The following GALK1 variants were observed in gnomAD, a reference collection of about 807,000 sequenced individuals.
The protein encoded by GALK1 is galactokinase 1.
Under a neutral mutation model 38.6 loss-of-function variants are expected in GALK1, and 30 were observed. That is an observed-to-expected ratio of 0.78 (90% confidence interval 0.58 to 1.05). The LOEUF is 1.05. Among genes scored for constraint, GALK1 ranks in the 50% least tolerant of loss-of-function variants. The pLI is 0.00. For missense variants in GALK1, 512 were observed against 540.5 expected (o/e 0.95, Z 0.52); for synonymous variants, 240 against 233.6 (o/e 1.03, Z -0.25).
rs554076462 is a variant in GALK1 at position 75,758,204 on chromosome 17, G to A, written c.1107+6C>T. On this transcript the variant is annotated splice_donor_region_variant and intron_variant, in intron 7 of 7. Transcript: ENST00000588479. ...CCTGCCCGCCCAGGCCCTGGTGCCC[G>A]CCCACCTGGATGTGCCGCATGGCGT... is the stretch of plus-strand genomic sequence containing the variant. The A allele has an allele frequency of 1.2e-5, 20 of 1,606,986 alleles. No individual in the cohort carries two copies. The highest frequency in any genetic ancestry group is 6.7e-5 in the East Asian group (3 of 44,680).
downstream of GALK1, chr17:75,757,427 C>T: frequency 1.2e-6 from 2 of 1,613,208 alleles, no homozygotes; most frequent in Non-Finnish European, 1.7e-6. Context: ...TGGGCTGACC[C>T]TGGGGGCCCA....
At chr17:75,756,823 G>T, downstream of GALK1, 1 of 1,612,378 alleles carries the variant, frequency 6.2e-7, no homozygotes. Flanking sequence ...GGATATCGTC[G>T]GCTACCTGGT....
Position 75,758,596 on chromosome 17 carries a change from G to T in GALK1, c.797C>A (p.Ala266Asp). ...GCCCTCTTTGCTCACCAGGTCCCTG[G>T]CAGCTGGGGAGGAAAGAGGAGTCAG... is the stretch of plus-strand genomic sequence containing the variant. ...REVQLEELEA[A>D]RDLVSKEGFR... Residue 266 changes from alanine to aspartate, a missense_variant, in exon 6 of 8, where the codon GCC becomes GAC. Ala to Asp is a moderately radical substitution (Grantham distance 126, BLOSUM62 -2). Transcript: ENST00000588479. 6.3e-7 allele frequency: 1 copy of T among 1,591,602 alleles called. No homozygotes were observed. The highest frequency in any genetic ancestry group is 8.5e-7 in the Non-Finnish European group (1 of 1,176,198).
At chr17:75,755,256 C>T (rs2061469953), downstream of GALK1, 5 of 1,577,030 alleles carry the variant, frequency 3.2e-6, no homozygotes, top group Non-Finnish European at 4.3e-6. Context: ...CTGTCCTGCT[C>T]CATCTGTCAT....
At chr17:75,753,791 C>G (rs780995540), downstream of GALK1, 12 of 1,457,846 alleles carry the variant, frequency 8.2e-6, no homozygotes, top group African/African-American at 1.4e-5. Flanking sequence ...CGAGCCCCTG[C>G]TGGGGGAGGA....
At chr17:75,754,922 A>G, downstream of GALK1, 1 of 1,555,630 alleles carries the variant, frequency 6.4e-7, no homozygotes, top group Non-Finnish European at 8.8e-7. Context: ...TCTCCAACAT[A>G]CACACACGCA....
At chr17:75,753,316 C>T (rs187349075), downstream of GALK1, among the ~76,000 whole-genome samples, 295 of 152,290 alleles carry the variant, frequency 1.9e-3, 1 homozygote, top group Non-Finnish European at 3.2e-3. Context: ...GACTCTGGAA[C>T]CCCAGCTCAG....
downstream of GALK1, chr17:75,755,962 C>A: frequency 7.7e-7 from 1 of 1,306,974 alleles, no homozygotes; most frequent in Non-Finnish European, 1.1e-6. Flanking sequence ...CCCTTGAGCG[C>A]TAAAGCCCCC....
At chr17:75,753,645 C>T (rs572047233), downstream of GALK1, 59 of 624,690 alleles carry the variant, frequency 9.4e-5, 1 homozygote, top group South Asian at 3.9e-3. Flanking sequence ...CAACACACAC[C>T]CCGGGATCCC....
downstream of GALK1, chr17:75,753,981 GGCTCACCCGCCGCCCCCCGATCCGC>G (rs2061429090): frequency 8.3e-7 from 1 of 1,210,442 alleles, no homozygotes. Flanking sequence ...GGAGGTGACA[GGCTCACCCGCCGCCCCCCGATCCGC>G]GCCCACCCAG....
downstream of GALK1, chr17:75,756,471 C>T (rs375075647): frequency 1.7e-5 from 27 of 1,613,206 alleles, no homozygotes; most frequent in African/African-American, 2.0e-4. Context: ...GCCCAGACCT[C>T]GGTGGTGGTG....
chr17:75,761,171 C>T (rs1415216100), intron 5 of GALK1, among the ~76,000 whole-genome samples: 1 of 151,874 alleles, frequency 6.6e-6, no homozygotes, highest in Non-Finnish European at 1.5e-5. Flanking sequence ...CACTGCACTG[C>T]AGCCTGGGTG....
chr17:75,753,746 G>A, downstream of GALK1: 1 of 1,405,686 alleles, frequency 7.1e-7, no homozygotes, highest in South Asian at 1.7e-5. Context: ...TGCCAACGCG[G>A]CCCTTCGTTG....
chr17:75,756,942 G>T, downstream of GALK1: 2 of 1,612,542 alleles, frequency 1.2e-6, 1 homozygote, highest in Middle Eastern at 3.3e-4. Context: ...TCCCTGCTCA[G>T]GGCCAGCCAC....
At chr17:75,755,785 G>T, downstream of GALK1, 1 of 1,612,106 alleles carries the variant, frequency 6.2e-7, no homozygotes, top group Non-Finnish European at 8.5e-7. Flanking sequence ...AGAGTGAGCT[G>T]GCAGGAGCCG....
At chr17:75,761,987 T>C (rs1255190426) in intron 5 of GALK1, among the ~76,000 whole-genome samples, 5 of 151,708 alleles carry the variant, frequency 3.3e-5, no homozygotes, top group African/African-American at 4.8e-5. Flanking sequence ...ACCATTGCAC[T>C]CCAGCATGGG....
At chr17:75,764,738 G>T (rs1335539724) in intron 1 of GALK1, 3 of 625,940 alleles carry the variant, frequency 4.8e-6, no homozygotes, top group Admixed American at 5.5e-5. Context: ...CCAGAGGGCG[G>T]GCTTGAGCCA....
chr17:75,756,420 T>TC, downstream of GALK1: 1 of 1,612,568 alleles, frequency 6.2e-7, no homozygotes. Context: ...CCCCACCTGA[T>TC]CCCCCCAGGT....
chr17:75,753,886 C>T (rs1376446657), downstream of GALK1: 2 of 1,316,324 alleles, frequency 1.5e-6, no homozygotes, highest in African/African-American at 1.5e-5. Context: ...CCTCCGACGC[C>T]GAGGCGCCCC....
Sources: gnomAD v4.1 joint callset for allele counts (sites outside exome capture counted in the v4.1 genomes callset) on GRCh38, gnomAD v4.1.1 for gene constraint, MANE v1.5 for transcripts, NCBI Gene and HGNC (gene_info 2026-07-23, HGNC 2026-07-21) for gene names.